Variants in BBOF1 observed in about 807,000 individuals in gnomAD.
BBOF1 encodes the protein basal body orientation factor 1, also known as basal body-orientation factor 1.
A neutral mutation model predicts 68.0 loss-of-function variants in BBOF1; 62 were observed. That is an observed-to-expected ratio of 0.91 (90% CI 0.74 to 1.13). BBOF1 has a LOEUF of 1.13. Ranked by LOEUF, BBOF1 falls within the 50% of genes most tolerant of loss-of-function variation. The pLI, the probability that BBOF1 is intolerant of heterozygous loss-of-function variation, is 0.00. For missense variants in BBOF1, 534 were observed against 600.1 expected (o/e 0.89, Z 1.15); for synonymous variants, 208 against 198.8 (o/e 1.05, Z -0.39).
intron 3 of BBOF1, among the ~76,000 whole-genome samples, chr14:74,032,924 G>A (rs564475618): frequency 6.6e-6 from 1 of 150,782 alleles, no homozygotes; most frequent in Non-Finnish European, 1.5e-5. Flanking sequence ...CCTTTTCTCT[G>A]TCCTCTTGCT....
rs746199102 is a variant in BBOF1, at chr14:74,019,601, C to G, written c.56+67C>G. ...CCTGGGATTTCGGGTCTGGGGCTGGCAACCTGGCGCCCCCCGCGCCGGCCC... is the reference window on the plus strand; with the variant it reads ...CCTGGGATTTCGGGTCTGGGGCTGGGAACCTGGCGCCCCCCGCGCCGGCCC... On this transcript the variant is annotated intron_variant, in intron 1 of 11. Coordinates refer to ENST00000394009, the MANE Select transcript of BBOF1 (RefSeq NM_025057.3). 5.9e-4 allele frequency: 917 copies of G among 1,541,994 alleles called. 2 individuals carry two copies. Among genetic ancestry groups the G allele is most frequent in the Middle Eastern group, 1.0e-3 (6 of 5,952 alleles).
rs1233221324 is a variant in BBOF1 at position 74,022,859 on chromosome 14, C to G, written c.57-57C>G. The G allele has an allele frequency of 5.7e-6, 5 of 871,858 alleles. No homozygotes were observed. In the Admixed American group the frequency reaches 1.4e-4, roughly 25 times the overall value. The allele number at this position is 871,858 out of a possible 1,614,324, so 54.0% of individuals were successfully genotyped here. On this transcript the variant is annotated intron_variant, in intron 1 of 11. Coordinates refer to ENST00000394009, the MANE Select transcript of BBOF1 (RefSeq NM_025057.3). ...GTAATATAATAGAGTTATATACTATCTGCATATTAGAGTTGTATAAATAGT... is the reference window on the plus strand; with the variant it reads ...GTAATATAATAGAGTTATATACTATGTGCATATTAGAGTTGTATAAATAGT...
At chr14:74,081,302 A>C (rs2060665612) in intron 12 of BBOF1, 1 of 152,262 alleles carries the variant, frequency 6.6e-6, no homozygotes, top group African/African-American at 2.4e-5. Context: ...AATATTTTGC[A>C]CAATGAAAGA....
chr14:74,078,224 T>C (rs972138131), exon 10 of BBOF1: 1 of 455,912 alleles, frequency 2.2e-6, no homozygotes, highest in African/African-American at 2.0e-5. Flanking sequence ...GATGAGAACT[T>C]CTCAACTTCC....
chr14:74,034,167 A>G lies in BBOF1; in HGVS notation c.491A>G (p.Asp164Gly). The change falls in exon 4 of 12, where the codon GAT becomes GGT. Residue 164 changes from aspartate to glycine, a missense_variant. Asp to Gly is a moderately conservative substitution (Grantham distance 94, BLOSUM62 -1). Coordinates refer to ENST00000394009, the MANE Select transcript of BBOF1 (RefSeq NM_025057.3). ...AAAATCCAAGTGGAGAGAGAGTTAGATGATGTAAGTTTCATTCCTTTTTTA... is the reference window on the plus strand; with the variant it reads ...AAAATCCAAGTGGAGAGAGAGTTAGGTGATGTAAGTTTCATTCCTTTTTTA... ...KRKIQVEREL[D>G]DLKENLRNTE... is the part of the protein sequence containing the mutation. The G allele has an allele frequency of 6.4e-7, 1 of 1,555,950 alleles. No homozygotes were observed. The highest frequency in any genetic ancestry group is 8.7e-7 in the Non-Finnish European group (1 of 1,152,268).
At chr14:74,034,833 G>A (rs118177460) in intron 4 of BBOF1, among the ~76,000 whole-genome samples, 4,250 of 152,256 alleles carry the variant, frequency 0.028, 84 homozygotes, top group Non-Finnish European at 0.043. Context: ...GCTTATGCCT[G>A]TAATCCCAGC....
intron 12 of BBOF1, among the ~76,000 whole-genome samples, chr14:74,082,191 C>T (rs552235209): frequency 2.6e-4 from 40 of 152,058 alleles, no homozygotes; most frequent in Non-Finnish European, 5.4e-4. Context: ...GGTGACAGAG[C>T]GAGACCCTGT....
At chr14:74,045,046 T>G (rs988570301) in intron 5 of BBOF1, among the ~76,000 whole-genome samples, 2 of 152,178 alleles carry the variant, frequency 1.3e-5, no homozygotes, top group Non-Finnish European at 2.9e-5. Context: ...CCTTTCTGTT[T>G]CTGTTTCCTC....
chr14:74,027,149 C>G (rs1293159550), intron 2 of BBOF1, among the ~76,000 whole-genome samples: 1 of 122,602 alleles, frequency 8.2e-6, no homozygotes, highest in East Asian at 2.7e-4. Flanking sequence ...TGCAGTGGTG[C>G]GATCTTGGCT....
chr14:74,080,535 T>C (rs1465891272), intron 10 of BBOF1, among the ~76,000 whole-genome samples: 2 of 152,164 alleles, frequency 1.3e-5, no homozygotes, highest in East Asian at 3.9e-4. Flanking sequence ...GCTCTCAGGC[T>C]CAAGTGATCC....
intron 4 of BBOF1, among the ~76,000 whole-genome samples, chr14:74,037,173 C>G (rs1414781878): frequency 6.7e-6 from 1 of 150,042 alleles, no homozygotes; most frequent in Non-Finnish European, 1.5e-5. Flanking sequence ...CAGGGTTTCA[C>G]CATGCTGGCC....
At position 74,023,058 on chromosome 14, in the gene BBOF1, T is replaced by C; in HGVS notation, c.199T>C (p.Leu67=). ...GATACTGGCAAAAAGTAATGAGGAC[T>C]TAAAGAAAAAGCAATGTAAAATGGA... ...SRILAKSNED[L]KKKQCKMEKD... The change falls in exon 2 of 12, where the codon TTA becomes CTA. Residue 67 remains leucine, a synonymous_variant. Coordinates refer to ENST00000394009, the MANE Select transcript of BBOF1 (RefSeq NM_025057.3). The C allele has an allele frequency of 6.2e-7, 1 of 1,608,368 alleles. No homozygotes were observed.
At chr14:74,020,262 A>G (rs759273879) in intron 1 of BBOF1, among the ~76,000 whole-genome samples, 2 of 151,140 alleles carry the variant, frequency 1.3e-5, no homozygotes, top group Non-Finnish European at 1.5e-5. Context: ...TTGTTTTTAC[A>G]TAACTGCACA....
chr14:74,038,714 T>A (rs1379305161), intron 4 of BBOF1, among the ~76,000 whole-genome samples: 12 of 152,114 alleles, frequency 7.9e-5, no homozygotes, highest in East Asian at 7.7e-4. Context: ...AAGAAAAAAA[T>A]TATTTCTGGC....
Position 74,065,260 on chromosome 14 carries a change from G to A in BBOF1, c.*561G>A. On this transcript the variant is annotated 3_prime_UTR_variant, in exon 12 of 12. Coordinates refer to ENST00000394009, the MANE Select transcript of BBOF1 (RefSeq NM_025057.3). ...GAAGATGGCAGTTCCATTTCCATAT[G>A]GGTTGTTATTTACAATCTGGATGGC... 6.2e-7 allele frequency: 1 copy of A among 1,614,098 alleles called. No homozygotes were observed.
At chr14:74,082,616 T>C (rs1193609863) in intron 12 of BBOF1, among the ~76,000 whole-genome samples, 1 of 152,076 alleles carries the variant, frequency 6.6e-6, no homozygotes, top group Non-Finnish European at 1.5e-5. Context: ...GTCAGGCTGG[T>C]CTCGAACTCC....
intron 1 of BBOF1, among the ~76,000 whole-genome samples, chr14:74,022,535 A>G (rs1462487963): frequency 6.6e-6 from 1 of 152,082 alleles, no homozygotes; most frequent in African/African-American, 2.4e-5. Flanking sequence ...TGACACAGCC[A>G]GGCCCAGTTT....
At chr14:74,046,201 A>T (rs1332734542) in intron 6 of BBOF1, 71 bp downstream of exon 6, 2 of 1,354,818 alleles carry the variant, frequency 1.5e-6, no homozygotes, top group African/African-American at 3.0e-5. Flanking sequence ...TTTTCTTCTT[A>T]CTTTCTTGTC....
chr14:74,071,352 G>C, intron 9 of BBOF1: 1 of 1,614,160 alleles, frequency 6.2e-7, no homozygotes. Context: ...TCCAAAGGGG[G>C]ATCATGGCAG....
Sources: allele counts gnomAD v4.1 joint callset (sites outside exome capture counted in the v4.1 genomes callset), GRCh38; gene constraint gnomAD v4.1.1; transcripts MANE v1.5; gene names NCBI Gene and HGNC (gene_info 2026-07-23, HGNC 2026-07-21).